The following WWOX variants were observed in gnomAD, a reference collection of about 807,000 sequenced individuals.
WWOX encodes the protein WW domain-containing oxidoreductase.
A neutral mutation model predicts 46.2 loss-of-function variants in WWOX; 69 were observed. That is an observed-to-expected ratio of 1.49 (90% confidence interval 1.23 to 1.82). WWOX has a LOEUF of 1.82. Ranked by LOEUF, WWOX falls within the 40% of genes most tolerant of loss-of-function variation. The probability of loss-of-function intolerance (pLI) is 0.00; values close to 1 mark genes in which losing one functional copy is unlikely to be tolerated. For synonymous variants in WWOX, 359 were observed against 202.6 expected (o/e 1.77, Z -6.56); for missense variants, 919 against 542.6 (o/e 1.69, Z -6.89).
At chr16:78,597,993 C>T (rs1235954413) in intron 8 of WWOX, among the ~76,000 whole-genome samples, 2 of 152,080 alleles carry the variant, frequency 1.3e-5, no homozygotes, top group African/African-American at 2.4e-5. Flanking sequence ...CAATTTTCAG[C>T]CTCTGCTTAT....
intron 8 of WWOX, among the ~76,000 whole-genome samples, chr16:78,878,901 GAAAA>G (rs111647544): frequency 1.2e-5 from 1 of 86,910 alleles, no homozygotes; most frequent in African/African-American, 4.4e-5. Flanking sequence ...ACAAAAAAAT[GAAAA>G]AAAAAAAAAA....
chr16:78,359,348 A>T (rs2081362148), intron 5 of WWOX, among the ~76,000 whole-genome samples: 1 of 152,206 alleles, frequency 6.6e-6, no homozygotes, highest in Admixed American at 6.5e-5. Flanking sequence ...CTCTCAGGCT[A>T]ATTAGTAATG....
chr16:78,148,510 T>A (rs531702274), intron 4 of WWOX, among the ~76,000 whole-genome samples: 2 of 146,864 alleles, frequency 1.4e-5, no homozygotes, highest in South Asian at 4.3e-4. Flanking sequence ...AAAAGCTCCA[T>A]TACATTTTTT....
intron 5 of WWOX, among the ~76,000 whole-genome samples, chr16:78,185,988 T>C (rs2035690400): frequency 6.6e-6 from 1 of 152,124 alleles, no homozygotes; most frequent in Non-Finnish European, 1.5e-5. Flanking sequence ...TAACAGCAAC[T>C]TAAAGGCGGT....
intron 8 of WWOX, chr16:78,872,957 C>T (rs893991179): frequency 6.6e-6 from 1 of 152,248 alleles, no homozygotes; most frequent in Non-Finnish European, 1.5e-5. Context: ...TTCACCATGC[C>T]TGGCTAATCT....
At chr16:78,717,597 G>C (rs1177581455) in intron 8 of WWOX, among the ~76,000 whole-genome samples, 1 of 152,096 alleles carries the variant, frequency 6.6e-6, no homozygotes, top group Non-Finnish European at 1.5e-5. Flanking sequence ...TTAATGAGTT[G>C]GGTTTTGATG....
At chr16:78,666,128 T>A (rs1248926474) in intron 8 of WWOX, among the ~76,000 whole-genome samples, 1 of 151,906 alleles carries the variant, frequency 6.6e-6, no homozygotes, top group Non-Finnish European at 1.5e-5. Flanking sequence ...TTTCTAAAAA[T>A]TTAAAAAAAT....
intron 8 of WWOX, chr16:78,525,869 G>A (rs1818369223): frequency 6.6e-6 from 1 of 151,664 alleles, no homozygotes; most frequent in East Asian, 1.9e-4. Context: ...AAAAGGGCAA[G>A]GGGAGGTGTG....
At chr16:79,097,751 A>G (rs2049106970) in intron 8 of WWOX, among the ~76,000 whole-genome samples, 1 of 152,200 alleles carries the variant, frequency 6.6e-6, no homozygotes, top group African/African-American at 2.4e-5. Context: ...GAAGGCGATC[A>G]TGTTGGCACA....
intron 8 of WWOX, among the ~76,000 whole-genome samples, chr16:78,946,148 G>T (rs2045944403): frequency 6.6e-6 from 1 of 152,124 alleles, no homozygotes; most frequent in Admixed American, 6.6e-5. Flanking sequence ...CTACAAGAAT[G>T]CCGAGACACC....
At chr16:79,206,782 T>A (rs2051526764) in intron 8 of WWOX, 2 of 152,136 alleles carry the variant, frequency 1.3e-5, no homozygotes, top group African/African-American at 4.8e-5. Flanking sequence ...AAGAAGAGGG[T>A]GACTTACTGG....
intron 7 of WWOX, among the ~76,000 whole-genome samples, chr16:78,430,472 C>A (rs993987119): frequency 6.6e-5 from 10 of 152,146 alleles, no homozygotes; most frequent in Admixed American, 4.6e-4. Context: ...TATCCACAGG[C>A]TTTTCATCTC....
At chr16:79,132,948 C>G (rs1347056363) in intron 8 of WWOX, among the ~76,000 whole-genome samples, 8 of 152,174 alleles carry the variant, frequency 5.3e-5, no homozygotes, top group Non-Finnish European at 1.2e-4. Flanking sequence ...TGAGTTTCGC[C>G]TCCTCGATCT....
chr16:79,063,644 G>A (rs760213673), intron 8 of WWOX, among the ~76,000 whole-genome samples: 16 of 152,274 alleles, frequency 1.1e-4, no homozygotes, highest in South Asian at 2.1e-4. Context: ...TGACTCTTGC[G>A]CGCTAGAGTG....
chr16:78,729,967 C>G (rs1033989815), intron 8 of WWOX, among the ~76,000 whole-genome samples: 1 of 152,150 alleles, frequency 6.6e-6, no homozygotes, highest in African/African-American at 2.4e-5. Flanking sequence ...GTCATAGTTT[C>G]CTCATCCCTC....
rs147700240 is a variant in WWOX, at chr16:78,473,913, T to A, written c.1056+41161T>A. 2.6e-3 allele frequency among the ~76,000 whole-genome samples: 395 copies of A among 152,320 alleles called. 1 individual carries two copies. The highest frequency in any genetic ancestry group is 9.0e-3 in the African/African-American group (375 of 41,570). ...CGTTGTTACCGTATTAATTTAGGGA[T>A]GATGAGAAAGTGGCCTCCCTTTCCC... On this transcript the variant is annotated intron_variant, in intron 8 of 8. Transcript: ENST00000566780.
At chr16:78,845,122 T>TA (rs1277527280) in intron 8 of WWOX, among the ~76,000 whole-genome samples, 9 of 149,036 alleles carry the variant, frequency 6.0e-5, no homozygotes, top group Non-Finnish European at 1.3e-4. Flanking sequence ...GCACTTTTTT[T>TA]ATCTTGCTGT....
At chr16:79,139,349 A>G (rs1279241072) in intron 8 of WWOX, among the ~76,000 whole-genome samples, 1 of 152,154 alleles carries the variant, frequency 6.6e-6, no homozygotes, top group Non-Finnish European at 1.5e-5. Context: ...GCATGTGGGG[A>G]TCCACTTTAA....
Position 78,795,927 on chromosome 16 carries a change from G to A in WWOX, c.1056+363175G>A, listed in dbSNP as rs191875446. ...AAGTATAAGGTTTAAGTAAGCGAAC[G>A]AAATGGAAGATAATTGAGGAAGAAA... On this transcript the variant is annotated intron_variant, in intron 8 of 8. Transcript: ENST00000566780. Among the ~76,000 whole-genome samples the A allele has an allele frequency of 1.1e-4, 16 of 152,282 alleles. 1 individual carries two copies. The East Asian group carries it at 2.9e-3, about 28-fold the overall frequency.
Sources: allele counts gnomAD v4.1 joint callset (sites outside exome capture counted in the v4.1 genomes callset), GRCh38; gene constraint gnomAD v4.1.1; transcripts MANE v1.5; gene names NCBI Gene and HGNC (gene_info 2026-07-23, HGNC 2026-07-21).